Variants in GULP1 observed in about 807,000 individuals in gnomAD.
The protein encoded by GULP1 is PTB domain-containing engulfment adapter protein 1.
In GULP1, 19 loss-of-function variants were observed where a neutral mutation model predicts 40.9. The observed-to-expected ratio is 0.46, with a 90% CI of 0.32 to 0.68. The LOEUF is 0.68. Ranked by LOEUF, GULP1 falls within the 30% of genes least tolerant of loss-of-function variation. The pLI is 0.03. For synonymous variants in GULP1, 119 were observed against 117.6 expected (o/e 1.01, Z -0.08); for missense variants, 312 against 362.2 (o/e 0.86, Z 1.12).
intron 9 of GULP1, among the ~76,000 whole-genome samples, chr2:188,578,868 A>T (rs563146060): frequency 1.8e-3 from 267 of 152,240 alleles, no homozygotes; most frequent in Non-Finnish European, 3.1e-3. Flanking sequence ...TCTTCTCAAC[A>T]ATGTATTTAA....
chr2:188,374,353 A>T (rs112587474), intron 1 of GULP1, among the ~76,000 whole-genome samples: 43 of 152,280 alleles, frequency 2.8e-4, no homozygotes, highest in African/African-American at 9.9e-4. Flanking sequence ...ATTTTGTTGT[A>T]CTTGGCAGAC....
chr2:188,419,689 C>T (rs892811728), intron 2 of GULP1, among the ~76,000 whole-genome samples: 2 of 151,840 alleles, frequency 1.3e-5, no homozygotes, highest in Admixed American at 1.3e-4. Flanking sequence ...GTTTTCTTTG[C>T]TGTGCAAGAG....
At chr2:188,376,367 A>T (rs2048299967) in intron 1 of GULP1, among the ~76,000 whole-genome samples, 2 of 152,228 alleles carry the variant, frequency 1.3e-5, no homozygotes, top group African/African-American at 4.8e-5. Flanking sequence ...AGCAATTTAA[A>T]TTACGTTATT....
chr2:188,446,713 C>T (rs752321091), intron 2 of GULP1, among the ~76,000 whole-genome samples: 4 of 152,152 alleles, frequency 2.6e-5, no homozygotes, highest in Non-Finnish European at 5.9e-5. Flanking sequence ...GACTTTAAAA[C>T]AGTAAATATT....
At chr2:188,489,338 T>C (rs1310518883) in intron 4 of GULP1, among the ~76,000 whole-genome samples, 1 of 152,012 alleles carries the variant, frequency 6.6e-6, no homozygotes, top group Admixed American at 6.6e-5. Context: ...TTGCCAGTTT[T>C]GCTGGTTGTA....
Position 188,451,450 on chromosome 2 carries a change from A to G in GULP1, c.-44-26209A>G, listed in dbSNP as rs147227641. 3.5e-3 allele frequency among the ~76,000 whole-genome samples: 526 copies of G among 152,318 alleles called. 4 individuals are homozygous for G. Among genetic ancestry groups the G allele is most frequent in the African/African-American group, 0.012 (506 of 41,576 alleles). ...AGAAAGTTTTTATTTTACATCTACC[A>G]AGACAGGACATCTTTGTAACAGGGC... On this transcript the variant is annotated intron_variant, in intron 2 of 11. Transcript: ENST00000409830.
intron 2 of GULP1, among the ~76,000 whole-genome samples, chr2:188,413,584 G>A (rs1431050538): frequency 6.6e-6 from 1 of 152,064 alleles, no homozygotes; most frequent in African/African-American, 2.4e-5. Context: ...TATATCTTAA[G>A]TATTTTTTAA....
At chr2:188,479,072 A>G (rs1028569635) in intron 3 of GULP1, among the ~76,000 whole-genome samples, 1 of 152,150 alleles carries the variant, frequency 6.6e-6, no homozygotes, top group African/African-American at 2.4e-5. Context: ...ATAGGTGTAA[A>G]TGATAATGTC....
chr2:188,444,803 T>G (rs2058242925), intron 2 of GULP1, among the ~76,000 whole-genome samples: 1 of 152,230 alleles, frequency 6.6e-6, no homozygotes. Context: ...TCTCTCCATG[T>G]TGTCTGTGAA....
At chr2:188,411,874 AG>A (rs1272751414) in intron 2 of GULP1, among the ~76,000 whole-genome samples, 2 of 152,166 alleles carry the variant, frequency 1.3e-5, no homozygotes, top group African/African-American at 4.8e-5. Flanking sequence ...TGTCCTAGAA[AG>A]GGGCTCTAGT....
At chr2:188,327,033 T>A (rs2151995957) in intron 1 of GULP1, among the ~76,000 whole-genome samples, 1 of 152,302 alleles carries the variant, frequency 6.6e-6, no homozygotes, top group South Asian at 2.1e-4. Flanking sequence ...TGGCATTTTG[T>A]GTCAGACTTA....
chr2:188,572,427 A>C (rs1413594307), intron 9 of GULP1, among the ~76,000 whole-genome samples: 1 of 152,192 alleles, frequency 6.6e-6, no homozygotes, highest in African/African-American at 2.4e-5. Context: ...AAAATGCTTC[A>C]AAAACTACAA....
chr2:188,581,182 A>T (rs1473555650), intron 9 of GULP1, among the ~76,000 whole-genome samples: 1 of 152,160 alleles, frequency 6.6e-6, no homozygotes, highest in East Asian at 1.9e-4. Flanking sequence ...AGACCACCTT[A>T]TTCGAGGGTC....
At chr2:188,442,639 T>C (rs1471562993) in intron 2 of GULP1, among the ~76,000 whole-genome samples, 2 of 152,222 alleles carry the variant, frequency 1.3e-5, no homozygotes, top group African/African-American at 4.8e-5. Flanking sequence ...TCACACTTTC[T>C]ACTTAAATGA....
At chr2:188,457,213 T>G (rs1052580382) in intron 2 of GULP1, among the ~76,000 whole-genome samples, 2 of 152,194 alleles carry the variant, frequency 1.3e-5, no homozygotes, top group African/African-American at 4.8e-5. Context: ...TAAGGCATGA[T>G]TGGTTTTGAA....
intron 1 of GULP1, chr2:188,293,883 C>T (rs2105840396): frequency 6.6e-6 from 1 of 152,376 alleles, no homozygotes; most frequent in South Asian, 2.1e-4. Flanking sequence ...TGGAAAGGGG[C>T]TGTCGGTTGC....
At chr2:188,425,953 G>C (rs1040053411) in intron 2 of GULP1, among the ~76,000 whole-genome samples, 1 of 152,050 alleles carries the variant, frequency 6.6e-6, no homozygotes, top group African/African-American at 2.4e-5. Context: ...ATTTAAAGTG[G>C]TTTATTCTGA....
chr2:188,379,758 C>T (rs1485785687), intron 1 of GULP1, among the ~76,000 whole-genome samples: 3 of 152,088 alleles, frequency 2.0e-5, no homozygotes, highest in Non-Finnish European at 4.4e-5. Flanking sequence ...AAAGAGTTTC[C>T]TATAAATATT....
intron 7 of GULP1, among the ~76,000 whole-genome samples, chr2:188,549,714 G>A (rs556038990): frequency 2.6e-5 from 4 of 151,754 alleles, no homozygotes; most frequent in South Asian, 2.1e-4. Flanking sequence ...CATAATAGCC[G>A]AAAACTACAA....
Sources: allele counts gnomAD v4.1 joint callset (sites outside exome capture counted in the v4.1 genomes callset), GRCh38; gene constraint gnomAD v4.1.1; transcripts MANE v1.5; gene names NCBI Gene and HGNC (gene_info 2026-07-23, HGNC 2026-07-21).